The following MOXD1 variants were observed in gnomAD, a reference collection of about 807,000 sequenced individuals.
MOXD1 encodes the protein monooxygenase DBH like 1.
In MOXD1, 62 loss-of-function variants were observed where a neutral mutation model predicts 66.6. That is an observed-to-expected ratio of 0.93 (90% CI 0.76 to 1.15). The LOEUF is 1.15. MOXD1 is among the 50% of genes most tolerant of loss of function. The probability of loss-of-function intolerance (pLI) is 0.00; values close to 1 mark genes in which losing one functional copy is unlikely to be tolerated. For missense variants in MOXD1, 847 were observed against 754.6 expected (o/e 1.12, Z -1.44); for synonymous variants, 303 against 281.9 (o/e 1.07, Z -0.75).
chr6:132,395,011 C>CA (rs1776841152), intron 1 of MOXD1, among the ~76,000 whole-genome samples: 1 of 152,040 alleles, frequency 6.6e-6, no homozygotes, highest in African/African-American at 2.4e-5. Flanking sequence ...ACATTATAGT[C>CA]AAAATATCAG....
At chr6:132,314,671 C>T (rs1448931693) in intron 10 of MOXD1, among the ~76,000 whole-genome samples, 1 of 152,172 alleles carries the variant, frequency 6.6e-6, no homozygotes, top group African/African-American at 2.4e-5. Context: ...ATCTCTATAG[C>T]TGGCTCCTTA....
intron 10 of MOXD1, among the ~76,000 whole-genome samples, chr6:132,305,536 C>A (rs1477477913): frequency 6.6e-6 from 1 of 152,212 alleles, no homozygotes; most frequent in African/African-American, 2.4e-5. Flanking sequence ...AAAATGAGTC[C>A]TGTTCCCTAT....
At chr6:132,400,293 A>G (rs1252041464) in intron 1 of MOXD1, among the ~76,000 whole-genome samples, 1 of 152,182 alleles carries the variant, frequency 6.6e-6, no homozygotes, top group African/African-American at 2.4e-5. Context: ...GTTCGGATGA[A>G]TTTTTATAAT....
chr6:132,298,224 T>C (rs1383528693), intron 10 of MOXD1, among the ~76,000 whole-genome samples: 1 of 152,174 alleles, frequency 6.6e-6, no homozygotes, highest in Non-Finnish European at 1.5e-5. Context: ...TCTTGCTATG[T>C]TGCCCAGGTT....
chr6:132,387,990 G>C (rs1478736933), intron 1 of MOXD1, among the ~76,000 whole-genome samples: 1 of 151,112 alleles, frequency 6.6e-6, no homozygotes, highest in Non-Finnish European at 1.5e-5. Context: ...CTGGTCTCTA[G>C]TCATTAATGA....
rs1562289904 is a variant in MOXD1 at position 132,349,410 on chromosome 6, T to TATATATATACATATATATAC, written c.664-20817_664-20816insGTATATATATGTATATATAT. Among the ~76,000 whole-genome samples the TATATATATACATATATATAC allele has an allele frequency of 5.5e-3, 458 of 82,658 alleles. 84 individuals carry two copies. Among genetic ancestry groups the TATATATATACATATATATAC allele is most frequent in the African/African-American group, 0.032 (436 of 13,466 alleles). The allele number at this position is 82,658 out of a possible 152,430, so 54.2% of individuals were successfully genotyped here. A position where few individuals can be genotyped will look rare whatever the true frequency, so the allele number is the denominator to read the frequency against. ...ATATATATACACATATATATACATA[T>TATATATATACATATATATAC]ATATATATATACATATATATATATA... On this transcript the variant is annotated intron_variant, in intron 4 of 11. Transcript: ENST00000367963.
rs777312330 is a variant in MOXD1 at position 132,328,096 on chromosome 6, T to A, written c.863A>T (p.His288Leu). Reference protein sequence around the residue: ...IGGEGFSYPPHVGLSLGTPLD... With the variant: ...IGGEGFSYPPLVGLSLGTPLD... The stretch of plus-strand genomic sequence containing the variant: ...TGGAGTGCCAAGGGATAATCCAACA[T>A]GAGGTGGATAAGAAAAGCCCTAAAT... The change falls in exon 6 of 12, where the codon CAT becomes CTT. Residue 288 changes from histidine (H) to leucine (L), a missense_variant. Physicochemically the swap from His to Leu is moderately conservative, Grantham distance 99. Coordinates refer to ENST00000367963, the MANE Select transcript of MOXD1 (RefSeq NM_015529.4). The A allele has an allele frequency of 6.2e-7, 1 of 1,613,472 alleles. No homozygotes were observed. Among genetic ancestry groups the A allele is most frequent in the East Asian group, 2.2e-5 (1 of 44,860 alleles).
intron 10 of MOXD1, among the ~76,000 whole-genome samples, chr6:132,310,121 T>A (rs1774793693): frequency 6.6e-6 from 1 of 152,066 alleles, no homozygotes; most frequent in African/African-American, 2.4e-5. Flanking sequence ...AGATCTAATA[T>A]CCAGAACTTA....
intron 1 of MOXD1, among the ~76,000 whole-genome samples, chr6:132,400,077 C>T (rs755352748): frequency 2.0e-5 from 3 of 152,140 alleles, no homozygotes; most frequent in Admixed American, 1.3e-4. Flanking sequence ...CACTTTATTT[C>T]CTTCCAGAGT....
At chr6:132,381,098 T>C (rs1278744709) in intron 1 of MOXD1, among the ~76,000 whole-genome samples, 2 of 152,212 alleles carry the variant, frequency 1.3e-5, no homozygotes, top group Non-Finnish European at 2.9e-5. Context: ...TTAATTTATA[T>C]CCTCAGTACC....
At chr6:132,337,209 G>C (rs1284677393) in intron 4 of MOXD1, among the ~76,000 whole-genome samples, 1 of 152,106 alleles carries the variant, frequency 6.6e-6, no homozygotes, top group Non-Finnish European at 1.5e-5. Context: ...TCTGAAACTA[G>C]TTCAGCTTGG....
intron 4 of MOXD1, among the ~76,000 whole-genome samples, chr6:132,349,410 T>TATATATATATACACATATATATATAC (rs1775743187): frequency 1.2e-5 from 1 of 82,672 alleles, no homozygotes; most frequent in African/African-American, 7.4e-5. Flanking sequence ...TATATACATA[T>TATATATATATACACATATATATATAC]ATATATATAT....
chr6:132,328,141 A>T, intron 5 of MOXD1, 26 bp from the exon 6 acceptor site: 1 of 1,584,840 alleles, frequency 6.3e-7, no homozygotes, highest in Non-Finnish European at 8.7e-7. Flanking sequence ...GCCATGAGAC[A>T]ATGTCCTATG....
At chr6:132,354,468 T>C (rs1254623155) in intron 4 of MOXD1, among the ~76,000 whole-genome samples, 1 of 152,232 alleles carries the variant, frequency 6.6e-6, no homozygotes, top group East Asian at 1.9e-4. Flanking sequence ...TCCAGGCTGG[T>C]ACTGGGGTTT....
chr6:132,334,094 C>T (rs749308568), intron 4 of MOXD1, among the ~76,000 whole-genome samples: 4 of 152,162 alleles, frequency 2.6e-5, no homozygotes, highest in African/African-American at 4.8e-5. Context: ...TCTCTTCTTA[C>T]GCACTTTATC....
At chr6:132,309,747 T>A (rs1371168144) in intron 10 of MOXD1, among the ~76,000 whole-genome samples, 7 of 152,054 alleles carry the variant, frequency 4.6e-5, no homozygotes, top group Non-Finnish European at 1.0e-4. Flanking sequence ...AAACAAGCAA[T>A]GGGGAAAGGA....
chr6:132,350,754 A>G (rs200371619), intron 4 of MOXD1, among the ~76,000 whole-genome samples: 1 of 152,152 alleles, frequency 6.6e-6, no homozygotes, highest in East Asian at 1.9e-4. Flanking sequence ...ACCCATCCAT[A>G]AGCATGGGAT....
intron 1 of MOXD1, among the ~76,000 whole-genome samples, chr6:132,397,277 C>T (rs533888269): frequency 1.2e-4 from 19 of 152,336 alleles, no homozygotes; most frequent in Non-Finnish European, 2.4e-4. Context: ...TTTGTCATTG[C>T]GTTAAGCTAC....
intron 10 of MOXD1, among the ~76,000 whole-genome samples, chr6:132,310,949 A>G (rs1054006065): frequency 6.6e-6 from 1 of 152,298 alleles, no homozygotes; most frequent in Middle Eastern, 3.4e-3. Flanking sequence ...CATTCTGCAC[A>G]TGTATCCCGT....
Sources: allele counts gnomAD v4.1 joint callset (sites outside exome capture counted in the v4.1 genomes callset), GRCh38; gene constraint gnomAD v4.1.1; transcripts MANE v1.5; gene names NCBI Gene and HGNC (gene_info 2026-07-23, HGNC 2026-07-21).